Variants in DCC observed in about 807,000 individuals in gnomAD.
DCC encodes the protein netrin receptor DCC.
Under a neutral mutation model 172.5 loss-of-function variants are expected in DCC, and 58 were observed. That is an observed-to-expected ratio of 0.34 (90% CI 0.27 to 0.42). DCC has a LOEUF of 0.42. DCC is among the 10% of genes least tolerant of loss of function. The probability of loss-of-function intolerance (pLI) is 1.00; values close to 1 mark genes in which losing one functional copy is unlikely to be tolerated. For missense variants in DCC, 1,740 were observed against 1,791.0 expected, an observed-to-expected ratio of 0.97 and a Z score of 0.51; for synonymous variants, 709 against 644.5, an observed-to-expected ratio of 1.10 and a Z score of -1.52.
chr18:52,708,637 G>A (rs1010015181), intron 1 of DCC, among the ~76,000 whole-genome samples: 4 of 152,052 alleles, frequency 2.6e-5, no homozygotes, highest in African/African-American at 4.8e-5. Context: ...CTGTCCCTGC[G>A]AAAGGCTCTG....
At chr18:53,260,096 C>A (rs909418401) in intron 12 of DCC, among the ~76,000 whole-genome samples, 74 of 152,190 alleles carry the variant, frequency 4.9e-4, no homozygotes, top group African/African-American at 1.7e-3. Flanking sequence ...TTCTAGTTAT[C>A]CATTTGTCTA....
rs551676926 is a variant in DCC, at chr18:53,053,098, G to A, written c.986-10207G>A. Among the ~76,000 whole-genome samples the A allele has an allele frequency of 2.0e-4, 30 of 152,178 alleles. No homozygotes were observed. The South Asian group carries it at 3.7e-3, about 19-fold the overall frequency. ...GTGGAGGTTGTAGTGAGCCGAGATC[G>A]AACCACTGCACTCCAGCCTGGGCAA... On this transcript the variant is annotated intron_variant, in intron 5 of 28. Transcript: ENST00000442544.
Position 52,752,300 on chromosome 18 carries a change from G to C in DCC, c.338G>C (p.Gly113Ala). 1.2e-6 allele frequency: 2 copies of C among 1,614,138 alleles called. No individual in the cohort carries two copies. Among genetic ancestry groups the C allele is most frequent in the Non-Finnish European group, 1.7e-6 (2 of 1,180,040 alleles). The change falls in exon 2 of 29, where the codon GGA becomes GCA. Residue 113 changes from glycine (G) to alanine (A), a missense_variant. Coordinates refer to ENST00000442544, the MANE Select transcript of DCC (RefSeq NM_005215.4). Reference sequence around the variant, plus strand: ...TCCAGACACCACAAGCCAGATGAGGGACTTTACCAATGTGAGGCATCTTTA... The same window carrying C: ...TCCAGACACCACAAGCCAGATGAGGCACTTTACCAATGTGAGGCATCTTTA... Reference protein sequence around the residue: ...LHSRHHKPDEGLYQCEASLGD... With the variant: ...LHSRHHKPDEALYQCEASLGD...
At chr18:52,912,280 C>T (rs1334229854) in intron 3 of DCC, among the ~76,000 whole-genome samples, 1 of 151,852 alleles carries the variant, frequency 6.6e-6, no homozygotes, top group African/African-American at 2.4e-5. Context: ...AAGACAAGCA[C>T]AATGCCTGTA....
intron 1 of DCC, among the ~76,000 whole-genome samples, chr18:52,573,743 G>A (rs1041936374): frequency 1.2e-4 from 19 of 152,202 alleles, no homozygotes; most frequent in African/African-American, 4.6e-4. Context: ...ACCATCTTGA[G>A]CACTGCTCCC....
intron 1 of DCC, among the ~76,000 whole-genome samples, chr18:52,515,523 C>T (rs1397936294): frequency 5.6e-5 from 8 of 141,726 alleles, no homozygotes; most frequent in African/African-American, 1.3e-4. Context: ...AGGAGAATGG[C>T]GTGAACCCAG....
intron 15 of DCC, among the ~76,000 whole-genome samples, chr18:53,380,772 A>G (rs185796889): frequency 2.3e-4 from 35 of 152,262 alleles, no homozygotes; most frequent in Admixed American, 1.8e-3. Flanking sequence ...GAGCCAAAAC[A>G]TCTTCAGGAC....
intron 5 of DCC, among the ~76,000 whole-genome samples, chr18:52,976,944 A>T (rs945312668): frequency 5.3e-5 from 8 of 152,106 alleles, no homozygotes; most frequent in African/African-American, 1.9e-4. Flanking sequence ...AAGTTTGTAA[A>T]CCTTAACTCA....
chr18:53,413,933 G>A (rs1054081406), intron 20 of DCC, among the ~76,000 whole-genome samples: 6 of 152,126 alleles, frequency 3.9e-5, no homozygotes, highest in African/African-American at 9.7e-5. Context: ...CTCAACAGCT[G>A]TGTTAGGATC....
chr18:52,540,439 T>C (rs2032406596), intron 1 of DCC, among the ~76,000 whole-genome samples: 1 of 151,974 alleles, frequency 6.6e-6, no homozygotes, highest in Non-Finnish European at 1.5e-5. Flanking sequence ...AAAAAAACCA[T>C]ATTTTAAAAA....
intron 2 of DCC, among the ~76,000 whole-genome samples, chr18:52,801,390 G>T (rs1174536283): frequency 6.6e-6 from 1 of 151,944 alleles, no homozygotes; most frequent in Non-Finnish European, 1.5e-5. Context: ...GTTTTATATG[G>T]ATTAACTCAA....
chr18:52,963,381 A>G (rs1441027927), intron 5 of DCC, among the ~76,000 whole-genome samples: 2 of 152,076 alleles, frequency 1.3e-5, no homozygotes, highest in African/African-American at 4.8e-5. Flanking sequence ...TATATTATGT[A>G]TACCTTACCA....
At chr18:52,558,077 CTATGT>C (rs1177764810) in intron 1 of DCC, among the ~76,000 whole-genome samples, 1 of 151,980 alleles carries the variant, frequency 6.6e-6, no homozygotes, top group African/African-American at 2.4e-5. Context: ...GCTTTTCATA[CTATGT>C]TAATACAAAC....
chr18:52,668,733 A>G (rs1297365037), intron 1 of DCC, among the ~76,000 whole-genome samples: 4 of 152,204 alleles, frequency 2.6e-5, no homozygotes, highest in Non-Finnish European at 5.9e-5. Context: ...GATCAATTTG[A>G]CAGAGGTTCC....
At chr18:53,416,978 G>A (rs897081165) in intron 21 of DCC, among the ~76,000 whole-genome samples, 1 of 152,088 alleles carries the variant, frequency 6.6e-6, no homozygotes, top group African/African-American at 2.4e-5. Context: ...AGAAGAGTTA[G>A]GAAAAACTAT....
chr18:53,129,599 T>C (rs12454410), intron 7 of DCC, among the ~76,000 whole-genome samples: 47,130 of 151,976 alleles, frequency 0.31, 9,118 homozygotes, highest in East Asian at 0.59. Context: ...TCTTTTTTTC[T>C]GGCTTTTTTC....
chr18:52,461,885 T>C (rs558443498), intron 1 of DCC, among the ~76,000 whole-genome samples: 8 of 152,180 alleles, frequency 5.3e-5, no homozygotes, highest in Non-Finnish European at 5.9e-5. Flanking sequence ...GAAAGTCTAA[T>C]AGATGCATCA....
intron 1 of DCC, among the ~76,000 whole-genome samples, chr18:52,353,235 T>G (rs1984205385): frequency 6.6e-6 from 1 of 151,976 alleles, no homozygotes; most frequent in Non-Finnish European, 1.5e-5. Context: ...TTGAAAATGC[T>G]CTTTGTGTGT....
chr18:52,524,303 A>C (rs998315419), intron 1 of DCC, among the ~76,000 whole-genome samples: 4 of 152,220 alleles, frequency 2.6e-5, no homozygotes, highest in Non-Finnish European at 5.9e-5. Flanking sequence ...TTGTAAATAA[A>C]CCTTCTTTTG....
Sources: allele counts gnomAD v4.1 joint callset (sites outside exome capture counted in the v4.1 genomes callset), GRCh38; gene constraint gnomAD v4.1.1; transcripts MANE v1.5; gene names NCBI Gene and HGNC (gene_info 2026-07-23, HGNC 2026-07-21).